Variants in ADARB2 observed in about 807,000 individuals in gnomAD.
ADARB2 encodes inactive double-stranded RNA-specific editase B2.
ADARB2 carries 25 observed loss-of-function variants against 62.2 expected under a neutral mutation model. The ratio of observed to expected loss-of-function variants is 0.40; its 90% confidence interval spans 0.29 to 0.56. ADARB2 has a LOEUF of 0.56. ADARB2 is among the 20% of genes least tolerant of loss of function. The probability of loss-of-function intolerance (pLI) is 0.43; values close to 1 mark genes in which losing one functional copy is unlikely to be tolerated. For missense variants in ADARB2, 1,071 were observed against 1,077.4 expected (o/e 0.99, Z 0.08); for synonymous variants, 572 against 500.8 (o/e 1.14, Z -1.90).
chr10:1,275,523 TTAA>T (rs1831307269), intron 3 of ADARB2, among the ~76,000 whole-genome samples: 1 of 151,478 alleles, frequency 6.6e-6, no homozygotes, highest in Non-Finnish European at 1.5e-5. Context: ...TTCTTTTTTT[TTAA>T]TTTAAGTTTT....
At chr10:1,559,289 A>T (rs1346084286) in intron 1 of ADARB2, among the ~76,000 whole-genome samples, 1 of 152,170 alleles carries the variant, frequency 6.6e-6, no homozygotes, top group Non-Finnish European at 1.5e-5. Context: ...GTTTTGGCTG[A>T]TAAGGGCTGT....
At chr10:1,627,326 C>T (rs1470567407) in intron 1 of ADARB2, among the ~76,000 whole-genome samples, 3 of 152,160 alleles carry the variant, frequency 2.0e-5, no homozygotes, top group Non-Finnish European at 4.4e-5. Flanking sequence ...TCTGTGCATG[C>T]AAGATCGCCT....
At chr10:1,362,932 C>T (rs1044144644) in intron 3 of ADARB2, 96 bp downstream of exon 3, 124 of 1,164,542 alleles carry the variant, frequency 1.1e-4, no homozygotes, top group Non-Finnish European at 5.7e-5. Flanking sequence ...TCTCCTTCTC[C>T]GAGAAGCCTG....
At chr10:1,243,447 C>T (rs893242296) in intron 4 of ADARB2, among the ~76,000 whole-genome samples, 2 of 152,240 alleles carry the variant, frequency 1.3e-5, no homozygotes, top group Admixed American at 6.5e-5. Context: ...GGCTTCCCTC[C>T]CATCTTAAAT....
At position 1,363,381 on chromosome 10, in the gene ADARB2, C is replaced by T. The variant is rs1212785552; in HGVS notation, c.724G>A (p.Gly242Arg). 3.0e-6 allele frequency: 4 copies of T among 1,330,378 alleles called. No homozygotes were observed. The highest frequency in any genetic ancestry group is 3.8e-6 in the Non-Finnish European group (4 of 1,039,682). The allele number at this position is 1,330,378 out of a possible 1,614,324, so 82.4% of individuals were successfully genotyped here. Residue 242 changes from glycine (G) to arginine (R), a missense_variant, in exon 3 of 10, where the codon GGG becomes AGG. Gly to Arg is a moderately radical substitution (Grantham distance 125). Transcript: ENST00000381312. ...GCCGCGGACAGAAGCGCGGCGTCCC[C>T]GGGGCGGCCTCCCGCGAGTCCGGGG... ...PRPGLAGGRP[G>R]DAALLSAAYG... is the part of the protein sequence containing the mutation.
intron 4 of ADARB2, among the ~76,000 whole-genome samples, chr10:1,244,359 G>A (rs941557404): frequency 2.6e-5 from 4 of 152,254 alleles, no homozygotes; most frequent in Admixed American, 6.5e-5. Flanking sequence ...GTTCACGACC[G>A]GTGCGCATGC....
Position 1,241,698 on chromosome 10 carries a change from C to T in ADARB2, c.1361+433G>A, listed in dbSNP as rs75889221. 6.6e-3 allele frequency among the ~76,000 whole-genome samples: 1,013 copies of T among 152,332 alleles called. 22 individuals are homozygous for T. Among genetic ancestry groups the T allele is most frequent in the African/African-American group, 0.023 (965 of 41,578 alleles). On this transcript the variant is annotated intron_variant, in intron 5 of 9. Transcript: ENST00000381312. ...TGGGGCACAGTTCTCAAGGCCTCAG[C>T]GGCCTCTTCACATGTACTTGGCACA... is the stretch of plus-strand genomic sequence containing the variant.
At chr10:1,606,625 G>C (rs1833497299) in intron 1 of ADARB2, among the ~76,000 whole-genome samples, 1 of 152,174 alleles carries the variant, frequency 6.6e-6, no homozygotes, top group Non-Finnish European at 1.5e-5. Context: ...GCAGGGAAGG[G>C]ATGATTTCTT....
chr10:1,207,985 A>G (rs966974351), intron 7 of ADARB2, among the ~76,000 whole-genome samples: 1 of 152,120 alleles, frequency 6.6e-6, no homozygotes, highest in Non-Finnish European at 1.5e-5. Flanking sequence ...GGCCTTCAGG[A>G]TGGGACTGTT....
intron 1 of ADARB2, among the ~76,000 whole-genome samples, chr10:1,657,028 TG>T (rs1554778917): frequency 2.7e-5 from 4 of 150,290 alleles, no homozygotes; most frequent in Admixed American, 2.7e-4. Context: ...TGTGTGTGTG[TG>T]GTGTTTAACA....
intron 8 of ADARB2, among the ~76,000 whole-genome samples, chr10:1,191,807 C>T (rs1056414867): frequency 4.6e-5 from 7 of 152,224 alleles, no homozygotes; most frequent in Non-Finnish European, 1.0e-4. Flanking sequence ...ATTGTGTGAC[C>T]TTTTTGCTAA....
chr10:1,563,787 C>A (rs1192954750), intron 1 of ADARB2, among the ~76,000 whole-genome samples: 2 of 119,016 alleles, frequency 1.7e-5, no homozygotes, highest in Admixed American at 9.2e-5. Context: ...CCCCTCCCCC[C>A]ACCCCACAAC....
intron 6 of ADARB2, among the ~76,000 whole-genome samples, chr10:1,220,180 ATGGTGG>A (rs1165001804): frequency 1.6e-5 from 2 of 123,370 alleles, no homozygotes; most frequent in African/African-American, 6.3e-5. Context: ...GGTGGTGATG[ATGGTGG>A]TGATGATGAT....
At chr10:1,545,993 A>C (rs992061586) in intron 1 of ADARB2, among the ~76,000 whole-genome samples, 2 of 146,628 alleles carry the variant, frequency 1.4e-5, no homozygotes, top group African/African-American at 5.0e-5. Flanking sequence ...TTCCTCAGGA[A>C]ATGACCCTTA....
intron 1 of ADARB2, among the ~76,000 whole-genome samples, chr10:1,511,373 G>A (rs57365156): frequency 0.14 from 21,020 of 152,038 alleles, 1,836 homozygotes; most frequent in East Asian, 0.32. Flanking sequence ...CAGAAAAGGG[G>A]GACTCTCTTT....
intron 1 of ADARB2, among the ~76,000 whole-genome samples, chr10:1,428,582 C>T (rs1830741481): frequency 6.6e-6 from 1 of 152,116 alleles, no homozygotes; most frequent in African/African-American, 2.4e-5. Context: ...CCACCACGCC[C>T]AGCCTTTTAT....
At chr10:1,692,663 C>T (rs1000491182) in intron 1 of ADARB2, among the ~76,000 whole-genome samples, 4 of 152,046 alleles carry the variant, frequency 2.6e-5, no homozygotes. Flanking sequence ...GCTAACAAGG[C>T]CTGTCTAAAG....
At chr10:1,467,721 C>T (rs923683818) in intron 1 of ADARB2, among the ~76,000 whole-genome samples, 2 of 152,212 alleles carry the variant, frequency 1.3e-5, no homozygotes, top group African/African-American at 4.8e-5. Flanking sequence ...GGCCGGCACA[C>T]CCTGCTCTGG....
chr10:1,257,715 C>T (rs1415047210), intron 4 of ADARB2, among the ~76,000 whole-genome samples: 1 of 152,146 alleles, frequency 6.6e-6, no homozygotes, highest in Non-Finnish European at 1.5e-5. Flanking sequence ...GCCAGGAGAC[C>T]CTGTGTTTCT....
Sources: gnomAD v4.1 joint callset for allele counts (sites outside exome capture counted in the v4.1 genomes callset) on GRCh38, gnomAD v4.1.1 for gene constraint, MANE v1.5 for transcripts, NCBI Gene and HGNC (gene_info 2026-07-23, HGNC 2026-07-21) for gene names.